PPARD: variants seen among roughly 807,000 people sequenced by gnomAD.
PPARD encodes the protein peroxisome proliferator-activated receptor delta.
In PPARD, 6 loss-of-function variants were observed where a neutral mutation model predicts 39.5. The ratio of observed to expected loss-of-function variants is 0.15; its 90% CI spans 0.08 to 0.30. PPARD has a LOEUF of 0.30. Ranked by LOEUF, PPARD falls within the 10% of genes least tolerant of loss-of-function variation. The probability of loss-of-function intolerance (pLI) is 1.00; values close to 1 mark genes in which losing one functional copy is unlikely to be tolerated. For missense variants in PPARD, 397 were observed against 596.8 expected (o/e 0.67, Z 3.49); for synonymous variants, 210 against 231.3 (o/e 0.91, Z 0.83).
intron 2 of PPARD, among the ~76,000 whole-genome samples, chr6:35,371,438 T>C: frequency 6.6e-6 from 1 of 152,182 alleles, no homozygotes; most frequent in East Asian, 1.9e-4. Flanking sequence ...AGTTCTTTTC[T>C]CCTGAAAACC....
Position 35,379,400 on chromosome 6 carries a change from C to T in PPARD, c.-101-31587C>T, listed in dbSNP as rs142008594. On this transcript the variant is annotated intron_variant, in intron 2 of 7. Transcript: ENST00000360694. ...TACAGGCATGAGCCACCGCGCCTGG[C>T]TTGCAGTAGGCATCTTTGCCCAACC... Among the ~76,000 whole-genome samples the T allele has an allele frequency of 3.4e-3, 521 of 152,336 alleles. 11 individuals are homozygous for T. Among genetic ancestry groups the T allele is most frequent in the South Asian group, 0.022 (104 of 4,824 alleles).
intron 2 of PPARD, among the ~76,000 whole-genome samples, chr6:35,407,741 C>A (rs1765151033): frequency 6.6e-6 from 1 of 151,032 alleles, no homozygotes; most frequent in South Asian, 2.1e-4. Flanking sequence ...TTAGTTTCCT[C>A]TCCATGCCGA....
At chr6:35,417,669 C>T (rs1765868008) in intron 3 of PPARD, among the ~76,000 whole-genome samples, 1 of 152,086 alleles carries the variant, frequency 6.6e-6, no homozygotes, top group Non-Finnish European at 1.5e-5. Context: ...GTAGCTGGGA[C>T]TACAGGCATG....
At chr6:35,349,855 C>T (rs989116917) in intron 2 of PPARD, among the ~76,000 whole-genome samples, 1 of 152,070 alleles carries the variant, frequency 6.6e-6, no homozygotes, top group Admixed American at 6.6e-5. Flanking sequence ...GATTCTCCTG[C>T]CTCAGCCTCC....
chr6:35,402,029 C>T (rs1883322), intron 2 of PPARD, among the ~76,000 whole-genome samples: 101,378 of 151,964 alleles, frequency 0.67, 35,760 homozygotes, highest in South Asian at 0.79. Context: ...TGGGTCTCTT[C>T]TGGGACCTGA....
At chr6:35,390,541 A>G (rs1441048797) in intron 2 of PPARD, among the ~76,000 whole-genome samples, 2 of 152,172 alleles carry the variant, frequency 1.3e-5, no homozygotes, top group Non-Finnish European at 2.9e-5. Context: ...AAGTAATAGA[A>G]ATTCCCTGGA....
intron 2 of PPARD, among the ~76,000 whole-genome samples, chr6:35,348,088 A>G (rs1760991486): frequency 6.6e-6 from 1 of 151,658 alleles, no homozygotes; most frequent in Admixed American, 6.6e-5. Context: ...TTGTATTTTT[A>G]GTAGAGACGG....
intron 2 of PPARD, among the ~76,000 whole-genome samples, chr6:35,368,748 A>G (rs1435013593): frequency 2.0e-5 from 3 of 152,184 alleles, no homozygotes; most frequent in African/African-American, 4.8e-5. Flanking sequence ...GGAAGTTTCT[A>G]TTTGAATCTG....
At chr6:35,392,185 G>C (rs1162408723) in intron 2 of PPARD, among the ~76,000 whole-genome samples, 1 of 151,734 alleles carries the variant, frequency 6.6e-6, no homozygotes, top group Non-Finnish European at 1.5e-5. Flanking sequence ...AGTCTGGGCA[G>C]GCAAAGGCTG....
intron 2 of PPARD, among the ~76,000 whole-genome samples, chr6:35,364,981 T>C (rs967292509): frequency 1.3e-5 from 2 of 151,762 alleles, no homozygotes; most frequent in African/African-American, 4.8e-5. Flanking sequence ...AGTGGTGGGA[T>C]TACAGGCGTG....
At position 35,426,683 on chromosome 6, in the gene PPARD, G is replaced by T. The variant is rs1766596415; in HGVS notation, c.*604G>T. 1 of 154,118 alleles carries T rather than the reference G, an allele frequency of 6.5e-6. No individual in the cohort carries two copies. Among genetic ancestry groups the T allele is most frequent in the African/African-American group, 2.4e-5 (1 of 41,452 alleles). The allele number at this position is 154,118 out of a possible 1,614,324, so 9.5% of individuals were successfully genotyped here. ...GACTGCAGCCCCCTATAGTCATGGG[G>T]TCCCTGCTGCAAAGGACAGTGGGCA... On this transcript the variant is annotated 3_prime_UTR_variant, in exon 8 of 8. Coordinates refer to ENST00000360694, the MANE Select transcript of PPARD (RefSeq NM_006238.5).
chr6:35,375,844 T>C (rs1227381726), intron 2 of PPARD, among the ~76,000 whole-genome samples: 3 of 152,230 alleles, frequency 2.0e-5, no homozygotes, highest in African/African-American at 7.2e-5. Context: ...TGAGCCACCT[T>C]ACCTGGCCTT....
At chr6:35,400,806 A>G (rs1764651752) in intron 2 of PPARD, among the ~76,000 whole-genome samples, 1 of 151,982 alleles carries the variant, frequency 6.6e-6, no homozygotes, top group Non-Finnish European at 1.5e-5. Context: ...TTAAAAAAAA[A>G]AAAAGAAAAG....
chr6:35,386,341 G>A (rs1478813585), intron 2 of PPARD, among the ~76,000 whole-genome samples: 1 of 121,118 alleles, frequency 8.3e-6, no homozygotes, highest in East Asian at 2.5e-4. Context: ...TTTTTTTTCA[G>A]TGAGCCAGGT....
chr6:35,400,665 T>G (rs1764645270), intron 2 of PPARD, among the ~76,000 whole-genome samples: 1 of 151,956 alleles, frequency 6.6e-6, no homozygotes, highest in Non-Finnish European at 1.5e-5. Flanking sequence ...CCAGGCGTGG[T>G]GGTGCACACC....
rs1432083556 is a variant in PPARD at position 35,352,845 on chromosome 6, A to C, written c.-102+5695A>C. On this transcript the variant is annotated intron_variant, in intron 2 of 7. Transcript: ENST00000360694. ...GCATTCCCAAAATGAATGTATTGAG[A>C]GATTCAGAAAGAAATGTCAATGTTT... Among the ~76,000 whole-genome samples the C allele has an allele frequency of 2.6e-5, 4 of 152,158 alleles. No homozygotes were observed. The East Asian group carries it at 7.7e-4, about 29-fold the overall frequency.
chr6:35,348,332 A>C, intron 2 of PPARD: 1 of 985,172 alleles, frequency 1.0e-6, no homozygotes, highest in Non-Finnish European at 1.2e-6. Flanking sequence ...GCTGGCCATA[A>C]CACACAGAAT....
chr6:35,380,989 C>T (rs1036850939), intron 2 of PPARD, among the ~76,000 whole-genome samples: 2 of 152,176 alleles, frequency 1.3e-5, no homozygotes, highest in Non-Finnish European at 2.9e-5. Flanking sequence ...AGGGTCTCTA[C>T]CTTGCCTGTC....
At chr6:35,356,357 T>C (rs1761613502) in intron 2 of PPARD, among the ~76,000 whole-genome samples, 1 of 152,224 alleles carries the variant, frequency 6.6e-6, no homozygotes, top group Admixed American at 6.5e-5. Flanking sequence ...CAGCAGTAGC[T>C]GAGCAGGCCG....
Sources: gnomAD v4.1 joint callset for allele counts (sites outside exome capture counted in the v4.1 genomes callset) on GRCh38, gnomAD v4.1.1 for gene constraint, MANE v1.5 for transcripts, NCBI Gene and HGNC (gene_info 2026-07-23, HGNC 2026-07-21) for gene names.